Variants in NCAPD3 observed in about 807,000 individuals in gnomAD.
NCAPD3 encodes condensin-2 complex subunit D3.
NCAPD3 carries 105 observed loss-of-function variants against 182.9 expected under a neutral mutation model. The observed-to-expected ratio is 0.57, with a 90% CI of 0.49 to 0.68. NCAPD3 has a LOEUF of 0.68. Ranked by LOEUF, NCAPD3 falls within the 30% of genes least tolerant of loss-of-function variation. NCAPD3 has a pLI of 0.00. For missense variants in NCAPD3, 1,944 were observed against 1,837.0 expected, an observed-to-expected ratio of 1.06 and a Z score of -1.07; for synonymous variants, 815 against 679.9, an observed-to-expected ratio of 1.20 and a Z score of -3.09.
chr11:134,176,096 G>A (rs1017840317), intron 24 of NCAPD3, among the ~76,000 whole-genome samples: 5 of 152,152 alleles, frequency 3.3e-5, no homozygotes, highest in Admixed American at 2.0e-4. Context: ...ATTATTCAAT[G>A]ATGAATCTAA....
intron 1 of NCAPD3, chr11:134,223,044 G>T (rs1012159263): frequency 2.2e-5 from 5 of 223,826 alleles, no homozygotes; most frequent in Non-Finnish European, 3.6e-5. Context: ...AAGTGTGTCC[G>T]ACTCCAAAGG....
intron 7 of NCAPD3, 30 bp downstream of exon 7, chr11:134,208,834 G>A: frequency 6.6e-7 from 1 of 1,516,230 alleles, no homozygotes; most frequent in Non-Finnish European, 9.1e-7. Context: ...GATTCAACTA[G>A]TAACCAAATT....
At chr11:134,170,015 T>A (rs989664498) in intron 24 of NCAPD3, among the ~76,000 whole-genome samples, 1 of 152,202 alleles carries the variant, frequency 6.6e-6, no homozygotes, top group African/African-American at 2.4e-5. Flanking sequence ...ATTGGGACTG[T>A]GTAGGAGACT....
intron 27 of NCAPD3, among the ~76,000 whole-genome samples, chr11:134,167,431 C>A (rs1431781994): frequency 7.8e-5 from 8 of 103,040 alleles, no homozygotes; most frequent in South Asian, 7.2e-4. Flanking sequence ...TTGGGGGAGG[C>A]GCACACTCGT....
chr11:134,156,131 C>A (rs1943413364), intron 32 of NCAPD3, among the ~76,000 whole-genome samples: 1 of 152,218 alleles, frequency 6.6e-6, no homozygotes, highest in Non-Finnish European at 1.5e-5. Flanking sequence ...GGAGAAGGGG[C>A]ACAAGAGTTG....
chr11:134,224,972 C>G (rs966726662), upstream of NCAPD3: 3 of 536,106 alleles, frequency 5.6e-6, no homozygotes, highest in Admixed American at 1.5e-4. Flanking sequence ...CCGTCGGCGC[C>G]CACTGCCCGG....
intron 3 of NCAPD3, among the ~76,000 whole-genome samples, chr11:134,215,365 G>C (rs1031811432): frequency 3.9e-5 from 6 of 152,152 alleles, no homozygotes; most frequent in African/African-American, 1.4e-4. Context: ...ACCCAGACTA[G>C]AAAGAAAGAA....
intron 16 of NCAPD3, among the ~76,000 whole-genome samples, chr11:134,189,698 T>C (rs1237881034): frequency 3.3e-5 from 5 of 152,220 alleles, no homozygotes; most frequent in Non-Finnish European, 7.4e-5. Flanking sequence ...AGCTTAGAAA[T>C]GTGTGCTTAT....
rs187122142 is a variant in NCAPD3, at chr11:134,223,310, G to A, written c.64+553C>T. 220 of 657,162 alleles carry A rather than the reference G, an allele frequency of 3.3e-4. 1 individual carries two copies. Among genetic ancestry groups the A allele is most frequent in the East Asian group, 2.1e-3 (78 of 36,488 alleles). 40.7% of individuals were successfully genotyped at this position (657,162 alleles called of 1,614,324 possible). A position where few individuals can be genotyped will look rare whatever the true frequency, so the allele number is the denominator to read the frequency against. ...GCAGCAGCATCAGGAATGGAGCGGG[G>A]CTGCCCTGAGACACCTCAGAGGCAG... On this transcript the variant is annotated intron_variant, in intron 1 of 34. Transcript: ENST00000534548.
At chr11:134,172,848 C>T (rs914371305) in intron 24 of NCAPD3, among the ~76,000 whole-genome samples, 10 of 151,964 alleles carry the variant, frequency 6.6e-5, no homozygotes, top group African/African-American at 2.2e-4. Context: ...TCGTGAGAAC[C>T]TAATGCTACA....
chr11:134,177,614 C>T, intron 22 of NCAPD3, 157 bp from the exon 23 acceptor site: 1 of 638,352 alleles, frequency 1.6e-6, no homozygotes, highest in Non-Finnish European at 2.7e-6. Flanking sequence ...GGCAGACAGA[C>T]CCATCTTGAA....
rs1047438345 is a variant in NCAPD3, at chr11:134,151,634, C to T, written c.*1310G>A. ...TGTGACTCAAGACTCGAGGCCGATA[C>T]GAGGCTGTGATTCTGCCTTTGGATG... is the stretch of plus-strand genomic sequence containing the variant. On this transcript the variant is annotated 3_prime_UTR_variant, in exon 35 of 35. Coordinates refer to ENST00000534548, the MANE Select transcript of NCAPD3 (RefSeq NM_015261.3). 10 of 152,146 alleles carry T rather than the reference C, an allele frequency of 6.6e-5. No individual in the cohort carries two copies. The highest frequency in any genetic ancestry group is 2.2e-4 in the African/African-American group (9 of 41,412). 9.4% of individuals were successfully genotyped at this position (152,146 alleles called of 1,614,324 possible).
intron 3 of NCAPD3, among the ~76,000 whole-genome samples, chr11:134,212,630 G>A (rs1937880766): frequency 6.6e-6 from 1 of 152,086 alleles, no homozygotes; most frequent in East Asian, 1.9e-4. Flanking sequence ...GACGTCAAGT[G>A]ACCTGCCGGC....
intron 24 of NCAPD3, among the ~76,000 whole-genome samples, chr11:134,169,418 C>G (rs778738701): frequency 6.6e-6 from 1 of 152,204 alleles, no homozygotes; most frequent in Non-Finnish European, 1.5e-5. Context: ...GATGCAATGA[C>G]AACAGTCACC....
At chr11:134,199,057 CT>C (rs377057923) in intron 13 of NCAPD3, among the ~76,000 whole-genome samples, 329 of 151,236 alleles carry the variant, frequency 2.2e-3, no homozygotes, top group African/African-American at 7.2e-3. Context: ...TCCAAGATGG[CT>C]TTTTTTTTCT....
At position 134,181,167 on chromosome 11, in the gene NCAPD3, C is replaced by G. The variant is rs368943683; in HGVS notation, c.2469G>C (p.Val823=). The G allele has an allele frequency of 5.6e-6, 9 of 1,613,742 alleles. No individual in the cohort carries two copies. The highest frequency in any genetic ancestry group is 6.8e-6 in the Non-Finnish European group (8 of 1,179,838). Residue 823 remains valine (V), a synonymous_variant, in exon 20 of 35, where the codon GTG becomes GTC. Transcript: ENST00000534548. ...PAEEQELLTQ[V]CGDVLSTCEH... is the part of the protein sequence containing the mutation. ...CGCAGGTGGAGAGTACATCCCCACA[C>G]ACCTGCGTCAGCAATTCCTACGGCA...
At chr11:134,169,811 T>A (rs139259482) in intron 24 of NCAPD3, among the ~76,000 whole-genome samples, 144 of 152,376 alleles carry the variant, frequency 9.5e-4, no homozygotes, top group African/African-American at 3.2e-3. Context: ...GCCAAAGCAC[T>A]GATTTTTGCT....
intron 19 of NCAPD3, among the ~76,000 whole-genome samples, chr11:134,181,419 T>C (rs1434589671): frequency 6.6e-6 from 1 of 152,216 alleles, no homozygotes; most frequent in Non-Finnish European, 1.5e-5. Flanking sequence ...ATCATCTTTC[T>C]TTTTACATTT....
At chr11:134,153,471 G>T in intron 32 of NCAPD3, 108 bp from the exon 33 acceptor site, 1 of 1,171,076 alleles carries the variant, frequency 8.5e-7, no homozygotes, top group Non-Finnish European at 1.3e-6. Context: ...GTGTCCCAGC[G>T]GCGGCCCTCA....
Sources: gnomAD v4.1 joint callset for allele counts (sites outside exome capture counted in the v4.1 genomes callset) on GRCh38, gnomAD v4.1.1 for gene constraint, MANE v1.5 for transcripts, NCBI Gene and HGNC (gene_info 2026-07-23, HGNC 2026-07-21) for gene names.